Variants in BAD observed in about 807,000 individuals in gnomAD.
The protein encoded by BAD is BCL2 associated agonist of cell death.
A neutral mutation model predicts 17.8 loss-of-function variants in BAD; 18 were observed. That is an observed-to-expected ratio of 1.01 (90% CI 0.70 to 1.50). The LOEUF (loss-of-function observed/expected upper bound fraction) is 1.50. Ranked by LOEUF, BAD falls within the 40% of genes most tolerant of loss-of-function variation. The probability of loss-of-function intolerance (pLI) is 0.00; values close to 1 mark genes in which losing one functional copy is unlikely to be tolerated. For synonymous variants in BAD, 112 were observed against 91.5 expected (o/e 1.22, Z -1.28); for missense variants, 294 against 239.3 (o/e 1.23, Z -1.51).
intron 2 of BAD, among the ~76,000 whole-genome samples, chr11:64,280,478 A>G (rs1221293168): frequency 1.5e-5 from 2 of 135,306 alleles, no homozygotes; most frequent in African/African-American, 5.6e-5. Flanking sequence ...CAGCCTCCCG[A>G]GTAGCTGGGA....
chr11:64,279,470 A>C lies in BAD; in HGVS notation c.187+4712T>G, dbSNP rs147303868. The stretch of plus-strand genomic sequence containing the variant: ...TGCTAAAAATCCCACCAGATGCTTA[A>C]AAGCCACCTCTAGCGGCCAGACGCG... On this transcript the variant is annotated intron_variant, in intron 2 of 3. Transcript: ENST00000309032. Among the ~76,000 whole-genome samples the C allele has an allele frequency of 2.1e-3, 316 of 152,326 alleles. 4 individuals carry two copies. In the Middle Eastern group the frequency reaches 0.037, roughly 18 times the overall value.
At chr11:64,282,047 A>G (rs1427250051) in intron 2 of BAD, among the ~76,000 whole-genome samples, 2 of 152,124 alleles carry the variant, frequency 1.3e-5, no homozygotes, top group Admixed American at 6.5e-5. Context: ...TGCTGCCCCC[A>G]TACAAATCTT....
At chr11:64,284,414 G>A (rs1405163163) in intron 1 of BAD, 38 bp from the exon 2 acceptor site, 3 of 1,609,484 alleles carry the variant, frequency 1.9e-6, no homozygotes, top group Non-Finnish European at 2.5e-6. Flanking sequence ...AGGCACAGCT[G>A]GGGCCAACGG....
chr11:64,277,380 C>T (rs1205473553), intron 2 of BAD, among the ~76,000 whole-genome samples: 2 of 152,332 alleles, frequency 1.3e-5, no homozygotes, highest in East Asian at 1.9e-4. Context: ...AGAACACCCC[C>T]AACCTTGCTC....
intron 2 of BAD, among the ~76,000 whole-genome samples, chr11:64,279,631 T>A (rs2033300320): frequency 1.3e-5 from 2 of 151,514 alleles, no homozygotes; most frequent in Non-Finnish European, 2.9e-5. Context: ...CTGGGCATGG[T>A]GCATGCCTGT....
chr11:64,275,841 T>C (rs1399421460), intron 2 of BAD: 2 of 151,780 alleles, frequency 1.3e-5, no homozygotes, highest in Non-Finnish European at 1.5e-5. Flanking sequence ...ACTGGGCAGG[T>C]ATGGTGGATG....
At chr11:64,275,058 G>A (rs1199540846) in intron 2 of BAD, among the ~76,000 whole-genome samples, 1 of 149,056 alleles carries the variant, frequency 6.7e-6, no homozygotes, top group Admixed American at 6.7e-5. Flanking sequence ...AAGGCCTAGG[G>A]TAAGATAGGC....
chr11:64,279,836 C>A (rs2033322152), intron 2 of BAD, among the ~76,000 whole-genome samples: 1 of 151,446 alleles, frequency 6.6e-6, no homozygotes, highest in East Asian at 1.9e-4. Context: ...CCTCACCCTT[C>A]AGTGTTTCTT....
intron 1 of BAD, 99 bp from the exon 2 acceptor site, chr11:64,284,475 C>G (rs943095812): frequency 1.3e-6 from 2 of 1,592,284 alleles, no homozygotes; most frequent in Non-Finnish European, 1.7e-6. Flanking sequence ...CCCACCGTAG[C>G]GCCCCCAGGC....
intron 2 of BAD, 147 bp downstream of exon 2, chr11:64,284,035 T>C (rs1053566791): frequency 3.3e-6 from 3 of 914,270 alleles, no homozygotes; most frequent in South Asian, 1.8e-5. Context: ...TGGTTATTAA[T>C]TGCTGTTTTA....
At position 64,270,170 on chromosome 11, in the gene BAD, C is replaced by T. The variant is rs752395879; in HGVS notation, c.*39G>A. The T allele has an allele frequency of 1.5e-5, 24 of 1,613,848 alleles. No individual in the cohort carries two copies. Among genetic ancestry groups the T allele is most frequent in the Non-Finnish European group, 3.4e-6 (4 of 1,179,912 alleles). ...CCATATTCAAGATGGCTGCCCAGGG[C>T]AGTGGGAACGGGTGGAGTTTCGGGA... On this transcript the variant is annotated 3_prime_UTR_variant, in exon 4 of 4. Transcript: ENST00000309032.
At chr11:64,276,575 C>T (rs1000679595) in intron 2 of BAD, among the ~76,000 whole-genome samples, 4 of 152,214 alleles carry the variant, frequency 2.6e-5, no homozygotes, top group African/African-American at 9.7e-5. Context: ...AATCCAAGTG[C>T]CTCGGCCCCC....
At chr11:64,274,205 G>A (rs1049404529) in intron 2 of BAD, among the ~76,000 whole-genome samples, 4 of 149,134 alleles carry the variant, frequency 2.7e-5, no homozygotes, top group Admixed American at 1.3e-4. Flanking sequence ...ATCCTAACAC[G>A]GTGAAACCCC....
chr11:64,271,485 G>A, intron 3 of BAD, 128 bp downstream of exon 3: 1 of 984,326 alleles, frequency 1.0e-6, no homozygotes, highest in Non-Finnish European at 1.4e-6. Context: ...AGCTAGGAAG[G>A]AACAGGACGG....
intron 2 of BAD, among the ~76,000 whole-genome samples, chr11:64,279,932 C>G (rs888977041): frequency 6.6e-6 from 1 of 152,014 alleles, no homozygotes; most frequent in African/African-American, 2.4e-5. Flanking sequence ...GCCTGTAATC[C>G]CAGCACTTTG....
intron 1 of BAD, 56 bp from the exon 2 acceptor site, chr11:64,284,432 G>A: frequency 6.2e-7 from 1 of 1,606,102 alleles, no homozygotes; most frequent in Non-Finnish European, 8.5e-7. Flanking sequence ...CGGTGGCCCT[G>A]GAAGGCAGAG....
At chr11:64,271,588 T>C in intron 3 of BAD, 25 bp downstream of exon 3, 1 of 1,405,534 alleles carries the variant, frequency 7.1e-7, no homozygotes, top group Non-Finnish European at 9.3e-7. Flanking sequence ...CTTCAGGTCC[T>C]GGCACGCTGG....
chr11:64,273,855 CA>C (rs34577596), intron 2 of BAD, among the ~76,000 whole-genome samples: 1,230 of 54,698 alleles, frequency 0.022, 7 homozygotes, highest in African/African-American at 0.08. Flanking sequence ...GCACCCATCT[CA>C]AAAAAAAAAA....
chr11:64,281,744 AT>A (rs2033487770), intron 2 of BAD, among the ~76,000 whole-genome samples: 1 of 151,888 alleles, frequency 6.6e-6, no homozygotes, highest in African/African-American at 2.4e-5. Flanking sequence ...TTTTTTTGAG[AT>A]GAGTCTCACT....
Sources: gnomAD v4.1 joint callset for allele counts (sites outside exome capture counted in the v4.1 genomes callset) on GRCh38, gnomAD v4.1.1 for gene constraint, MANE v1.5 for transcripts, NCBI Gene and HGNC (gene_info 2026-07-23, HGNC 2026-07-21) for gene names.